SPTA1: variants seen among roughly 807,000 people sequenced by gnomAD.
SPTA1 encodes spectrin alpha chain, erythrocytic 1.
SPTA1 carries 177 observed loss-of-function variants against 324.7 expected under a neutral mutation model. The observed-to-expected ratio is 0.55, with a 90% CI of 0.48 to 0.62. SPTA1 has a LOEUF of 0.62. SPTA1 is among the 20% of genes least tolerant of loss of function. The pLI is 0.00. For synonymous variants in SPTA1, 1,195 were observed against 1,041.3 expected, an observed-to-expected ratio of 1.15 and a Z score of -2.84; for missense variants, 3,162 against 2,883.6, an observed-to-expected ratio of 1.10 and a Z score of -2.21.
rs1278191594 is a variant in SPTA1 at position 158,611,060 on chromosome 1, T to C, written c.*204A>G. On this transcript the variant is annotated 3_prime_UTR_variant, in exon 52 of 52. Coordinates refer to ENST00000643759, the MANE Select transcript of SPTA1 (RefSeq NM_003126.4). ...ATAGCTTCCACTCCTCCAACTCTATTAACCTTTCTATCTCCCACCCTTGAG... is the reference window on the plus strand; with the variant it reads ...ATAGCTTCCACTCCTCCAACTCTATCAACCTTTCTATCTCCCACCCTTGAG... 1 of 664,734 alleles carries C rather than the reference T, an allele frequency of 1.5e-6. No homozygotes were observed. Among genetic ancestry groups the C allele is most frequent in the Non-Finnish European group, 2.5e-6 (1 of 394,080 alleles). 41.2% of individuals were successfully genotyped at this position (664,734 alleles called of 1,614,324 possible).
chr1:158,681,428 A>T (rs1434274043), intron 4 of SPTA1, 99 bp downstream of exon 4: 2 of 1,582,938 alleles, frequency 1.3e-6, no homozygotes, highest in Non-Finnish European at 1.7e-6. Flanking sequence ...AGGAACAGAC[A>T]TCCTGACTTC....
chr1:158,639,948 T>A lies in SPTA1; in HGVS notation c.4797A>T (p.Lys1599Asn), dbSNP rs2101819439. 1.9e-6 allele frequency: 3 copies of A among 1,613,926 alleles called. No individual in the cohort carries two copies. The Admixed American group carries it at 5.0e-5, about 27-fold the overall frequency. Residue 1599 changes from lysine to asparagine, a missense_variant, in exon 34 of 52, where the codon AAA (lysine) becomes AAT (asparagine). Transcript: ENST00000643759. ...WDHLLERTND[K>N]GKKLNEASRQ... ...GACTGGCCTCATTGAGCTTCTTCCC[T>A]TTGTCATTTGTTCTCTCAAGCAGAT... is the stretch of plus-strand genomic sequence containing the variant.
At position 158,674,433 on chromosome 1, in the gene SPTA1, G is replaced by C. The variant is rs768973129; in HGVS notation, c.1249-3C>G. ...TCATCGTAAGAGTCAATCTCATGCT[G>C]TGGCCACAAAACAAAGTGTCTCAAA... On this transcript the variant is annotated splice_polypyrimidine_tract_variant and splice_region_variant and intron_variant, in intron 9 of 51. Transcript: ENST00000643759. 3.1e-6 allele frequency: 5 copies of C among 1,614,070 alleles called. No homozygotes were observed. The highest frequency in any genetic ancestry group is 4.2e-6 in the Non-Finnish European group (5 of 1,179,952).
Position 158,669,716 on chromosome 1 carries a change from C to T in SPTA1, c.1670G>A (p.Arg557His), listed in dbSNP as rs754982398. Reference protein sequence around the residue: ...HYDSENIKAIRDGLLARRDAL... With the variant: ...HYDSENIKAIHDGLLARRDAL... ...CTAGGCCCTTGGACATACCCCGTCACGGATAGCCTTGATGTTCTCTGAATC... is the reference window on the plus strand; with the variant it reads ...CTAGGCCCTTGGACATACCCCGTCATGGATAGCCTTGATGTTCTCTGAATC... The change falls in exon 13 of 52, where the codon CGT (arginine) becomes CAT (histidine). Residue 557 changes from arginine (R) to histidine (H), a missense_variant. Transcript: ENST00000643759. The T allele has an allele frequency of 4.0e-5, 65 of 1,613,972 alleles. No homozygotes were observed. Among genetic ancestry groups the T allele is most frequent in the Non-Finnish European group, 4.9e-5 (58 of 1,179,990 alleles).
intron 51 of SPTA1, 170 bp from the exon 52 acceptor site, chr1:158,611,559 GTAACT>G: frequency 1.5e-6 from 1 of 649,420 alleles, no homozygotes; most frequent in Non-Finnish European, 2.5e-6. Flanking sequence ...TTTCTAATGA[GTAACT>G]TAACTTTTAA....
intron 2 of SPTA1, among the ~76,000 whole-genome samples, chr1:158,683,778 G>T (rs986007443): frequency 7.3e-6 from 1 of 137,434 alleles, no homozygotes; most frequent in African/African-American, 2.5e-5. Flanking sequence ...TCAGAAAAGA[G>T]GAATAACTGA....
intron 38 of SPTA1, 49 bp from the exon 39 acceptor site, chr1:158,634,724 C>A: frequency 6.2e-7 from 1 of 1,611,248 alleles, no homozygotes; most frequent in Non-Finnish European, 8.5e-7. Flanking sequence ...AACTGGTAAG[C>A]AGTGGGAGTA....
chr1:158,636,672 C>T lies in SPTA1; in HGVS notation c.5279G>A (p.Gly1760Glu), dbSNP rs1651102371. 4 of 1,614,074 alleles carry T rather than the reference C, an allele frequency of 2.5e-6. No homozygotes were observed. The highest frequency in any genetic ancestry group is 1.1e-5 in the South Asian group (1 of 91,078). ...GGCAGGCTCATGGGCCACCAGCTCC[C>T]CCTCTAGGCGTTTGTGCTTCTTCAG... ...NLLKKHKRLEGELVAHEPAIQ... is the reference protein window; with the variant it reads ...NLLKKHKRLEEELVAHEPAIQ... The change falls in exon 37 of 52, where the codon GGG becomes GAG. Residue 1760 changes from glycine to glutamate, a missense_variant. Physicochemically the swap from Gly to Glu is moderately conservative, Grantham distance 98 (BLOSUM62 -2). Coordinates refer to ENST00000643759, the MANE Select transcript of SPTA1 (RefSeq NM_003126.4).
intron 26 of SPTA1, among the ~76,000 whole-genome samples, chr1:158,647,968 C>G (rs780286989): frequency 1.1e-4 from 17 of 152,058 alleles, no homozygotes; most frequent in Non-Finnish European, 2.4e-4. Flanking sequence ...AGTGACTCTG[C>G]TGGTTAGTGG....
At position 158,637,942 on chromosome 1, in the gene SPTA1, A is replaced by T; in HGVS notation, c.5189+91T>A. 8 of 1,415,332 alleles carry T rather than the reference A, an allele frequency of 5.7e-6. No individual in the cohort carries two copies. In the East Asian group the frequency reaches 1.8e-4, roughly 32 times the overall value. 87.7% of individuals were successfully genotyped at this position (1,415,332 alleles called of 1,614,324 possible). On this transcript the variant is annotated intron_variant, in intron 36 of 51. Transcript: ENST00000643759. Reference sequence around the variant, plus strand: ...GTAGTGCTATCTTCAAGAAACAAGTACAAATTTCATTTCAGCATAAATTGG... The same window carrying T: ...GTAGTGCTATCTTCAAGAAACAAGTTCAAATTTCATTTCAGCATAAATTGG...
At chr1:158,676,384 T>C (rs1654397091) in intron 7 of SPTA1, 89 bp from the exon 8 acceptor site, 1 of 1,354,094 alleles carries the variant, frequency 7.4e-7, no homozygotes, top group Admixed American at 1.8e-5. Flanking sequence ...AAAAATCATA[T>C]GAATAATAAT....
intron 7 of SPTA1, 28 bp downstream of exon 7, chr1:158,677,662 G>T: frequency 6.2e-7 from 1 of 1,612,248 alleles, no homozygotes; most frequent in Non-Finnish European, 8.5e-7. Flanking sequence ...AGCTCAACGG[G>T]TTAGCCATTT....
Position 158,613,859 on chromosome 1 carries a change from T to C in SPTA1, c.6851A>G (p.Asp2284Gly), listed in dbSNP as rs374589766. The change falls in exon 50 of 52, where the codon GAT (aspartate) becomes GGT (glycine). Residue 2284 changes from aspartate (D) to glycine (G), a missense_variant. Physicochemically the swap from Asp to Gly is moderately conservative, Grantham distance 94. Coordinates refer to ENST00000643759, the MANE Select transcript of SPTA1 (RefSeq NM_003126.4). ...KEFSTIYKHF[D>G]ENLTGRLTHK... ...AGTCAGGCGCCCTGTCAAATTCTCA[T>C]CAAAGTGTCTAAAGGATAAAAAAAG... 92 of 1,613,408 alleles carry C rather than the reference T, an allele frequency of 5.7e-5. 1 individual carries two copies. The African/African-American group carries it at 7.8e-4, about 14-fold the overall frequency.
chr1:158,618,209 C>T, intron 45 of SPTA1, 153 bp from the exon 46 acceptor site: 2 of 770,824 alleles, frequency 2.6e-6, no homozygotes, highest in Non-Finnish European at 4.4e-6. Flanking sequence ...CCACTGGTTC[C>T]CAAGGCCTCT....
rs576563842 is a variant in SPTA1, at chr1:158,676,616, C to A, written c.958-321G>T. Among the ~76,000 whole-genome samples, 41 of 152,226 alleles carry A rather than the reference C, an allele frequency of 2.7e-4. 1 individual carries two copies. Among genetic ancestry groups the A allele is most frequent in the Non-Finnish European group, 5.1e-4 (35 of 68,004 alleles). On this transcript the variant is annotated intron_variant, in intron 7 of 51. Transcript: ENST00000643759. ...ATTAAGTATTTTATTTGCTTAAGAT[C>A]ATTCAGCTAGAAAATGTCAGGAGCA... is the stretch of plus-strand genomic sequence containing the variant.
In SPTA1 at chr1:158,612,935, T is replaced by G; in HGVS notation, c.7016A>C (p.Tyr2339Ser). 6.2e-7 allele frequency: 1 copy of G among 1,613,936 alleles called. No homozygotes were observed. The highest frequency in any genetic ancestry group is 8.5e-7 in the Non-Finnish European group (1 of 1,179,896). The change falls in exon 51 of 52, where the codon TAT becomes TCT. Residue 2339 changes from tyrosine (Y) to serine (S), a missense_variant. Coordinates refer to ENST00000643759, the MANE Select transcript of SPTA1 (RefSeq NM_003126.4). ...GRKGYVSLED[Y>S]TAFLIDKESE... is the part of the protein sequence containing the mutation. ...CTCCTTGTCAATCAGGAAAGCAGTA[T>G]AGTCCTCCAGTGAGACATAGCCCTT...
At chr1:158,685,368 G>GA in intron 1 of SPTA1, 21 bp from the exon 2 acceptor site, 1 of 1,611,654 alleles carries the variant, frequency 6.2e-7, no homozygotes, top group Non-Finnish European at 8.5e-7. Context: ...AAAAGATTCT[G>GA]TTACTTGCTA....
At chr1:158,614,450 A>G (rs1557918843) in intron 48 of SPTA1, 144 bp from the exon 49 acceptor site, 18 of 646,678 alleles carry the variant, frequency 2.8e-5, no homozygotes, top group Non-Finnish European at 3.8e-5. Flanking sequence ...ACTATAGTCC[A>G]TGGGCCAAAT....
intron 43 of SPTA1, among the ~76,000 whole-genome samples, chr1:158,620,962 A>C (rs1649871515): frequency 6.6e-6 from 1 of 151,986 alleles, no homozygotes; most frequent in African/African-American, 2.4e-5. Context: ...GACCACACCC[A>C]GCTGACTTCT....
Sources: allele counts gnomAD v4.1 joint callset (sites outside exome capture counted in the v4.1 genomes callset), GRCh38; gene constraint gnomAD v4.1.1; transcripts MANE v1.5; gene names NCBI Gene and HGNC (gene_info 2026-07-23, HGNC 2026-07-21).